Variants in NALCN observed in about 807,000 individuals in gnomAD.
NALCN encodes sodium leak channel, non-selective.
NALCN carries 111 observed loss-of-function variants against 225.3 expected under a neutral mutation model. The ratio of observed to expected loss-of-function variants is 0.49; its 90% confidence interval spans 0.42 to 0.58. The LOEUF (loss-of-function observed/expected upper bound fraction) is 0.58, where lower values mean the gene tolerates loss of function less well. Ranked by LOEUF, NALCN falls within the 20% of genes least tolerant of loss-of-function variation. The pLI is 0.00. For synonymous variants in NALCN, 764 were observed against 769.0 expected (o/e 0.99, Z 0.11); for missense variants, 1,378 against 2,202.4 (o/e 0.63, Z 7.49).
intron 17 of NALCN, among the ~76,000 whole-genome samples, chr13:101,140,355 A>C (rs1337156859): frequency 6.6e-6 from 1 of 152,172 alleles, no homozygotes; most frequent in Admixed American, 6.5e-5. Flanking sequence ...AAATCAAAAT[A>C]CTGTGTTCAG....
chr13:101,133,158 C>T (rs778409105), intron 17 of NALCN, among the ~76,000 whole-genome samples: 27 of 152,126 alleles, frequency 1.8e-4, no homozygotes, highest in African/African-American at 5.6e-4. Flanking sequence ...CTTTAGGATG[C>T]GGCAATGCTT....
At chr13:101,056,283 C>T (rs2031249167) in intron 43 of NALCN, among the ~76,000 whole-genome samples, 1 of 99,852 alleles carries the variant, frequency 1.0e-5, no homozygotes, top group African/African-American at 4.0e-5. Context: ...TTTTGGGAGA[C>T]AGGTTCTCAC....
chr13:101,125,857 T>C (rs1337112266), intron 17 of NALCN, among the ~76,000 whole-genome samples: 1 of 152,194 alleles, frequency 6.6e-6, no homozygotes, highest in Non-Finnish European at 1.5e-5. Flanking sequence ...TGGTACAAAC[T>C]ACCTGTATAA....
intron 15 of NALCN, among the ~76,000 whole-genome samples, chr13:101,153,359 GGTGACAC>G (rs576872598): frequency 7.8e-4 from 118 of 152,238 alleles, no homozygotes; most frequent in African/African-American, 2.2e-3. Context: ...ATATGAATGG[GGTGACAC>G]ATATGTGTGC....
chr13:101,291,613 T>C (rs1002344881), intron 9 of NALCN, among the ~76,000 whole-genome samples: 3 of 152,168 alleles, frequency 2.0e-5, no homozygotes, highest in Admixed American at 6.5e-5. Context: ...AGTGTTGTGA[T>C]TGCAGCTCAC....
At chr13:101,159,993 C>T (rs1378998495) in intron 15 of NALCN, among the ~76,000 whole-genome samples, 2 of 152,140 alleles carry the variant, frequency 1.3e-5, no homozygotes, top group East Asian at 1.9e-4. Context: ...CTCATTCTGT[C>T]GCCCAGGCTG....
At chr13:101,313,590 C>T in intron 7 of NALCN, among the ~76,000 whole-genome samples, 1 of 152,084 alleles carries the variant, frequency 6.6e-6, no homozygotes, top group Non-Finnish European at 1.5e-5. Context: ...CATCACTGGC[C>T]ATCAGAGAAC....
intron 39 of NALCN, 46 bp downstream of exon 39, chr13:101,067,872 T>C (rs1471392019): frequency 1.6e-6 from 2 of 1,285,430 alleles, no homozygotes; most frequent in Admixed American, 3.6e-5. Context: ...GACATGTTGA[T>C]AAGTCTCTTT....
chr13:101,252,833 G>A (rs186653561), intron 11 of NALCN, among the ~76,000 whole-genome samples: 25 of 152,186 alleles, frequency 1.6e-4, no homozygotes, highest in Admixed American at 9.8e-4. Context: ...CTGTAGGTCC[G>A]TTGCCTTCCT....
At chr13:101,365,465 C>T (rs2046355491) in intron 6 of NALCN, among the ~76,000 whole-genome samples, 1 of 151,944 alleles carries the variant, frequency 6.6e-6, no homozygotes, top group Admixed American at 6.6e-5. Context: ...CACTTATTTG[C>T]CAAGTACCCT....
At chr13:101,316,174 CCTT>C (rs34080289) in intron 7 of NALCN, among the ~76,000 whole-genome samples, 5,004 of 152,176 alleles carry the variant, frequency 0.033, 290 homozygotes, top group East Asian at 0.25. Flanking sequence ...CAATAAATGT[CCTT>C]CTCATCAAAA....
chr13:101,196,773 A>G lies in NALCN; in HGVS notation c.1627-4719T>C, dbSNP rs537565339. Among the ~76,000 whole-genome samples the G allele has an allele frequency of 2.0e-5, 3 of 152,068 alleles. No homozygotes were observed. In the East Asian group the frequency reaches 5.8e-4, roughly 29 times the overall value. On this transcript the variant is annotated intron_variant, in intron 13 of 43. Coordinates refer to ENST00000251127, the MANE Select transcript of NALCN (RefSeq NM_052867.4). ...TCAGTCCTAAGTGTTCACTTCCCCA[A>G]ATTCACTGGCCTCTCTCCAGCCATC...
At chr13:101,348,427 T>C (rs567473337) in intron 6 of NALCN, among the ~76,000 whole-genome samples, 15 of 152,284 alleles carry the variant, frequency 9.9e-5, no homozygotes, top group African/African-American at 3.6e-4. Context: ...TTGAAAGTTG[T>C]AGATTTCCTA....
At chr13:101,361,615 T>C (rs1435764088) in intron 6 of NALCN, among the ~76,000 whole-genome samples, 4 of 152,202 alleles carry the variant, frequency 2.6e-5, no homozygotes, top group African/African-American at 9.6e-5. Flanking sequence ...TACAAGCTGT[T>C]TCATCTCAGC....
In NALCN at chr13:101,251,778, T is replaced by C. The variant is rs917706734; in HGVS notation, c.1266+6665A>G. 3.9e-5 allele frequency among the ~76,000 whole-genome samples: 6 copies of C among 152,198 alleles called. No homozygotes were observed. In the South Asian group the frequency reaches 1.2e-3, roughly 31 times the overall value. ...AAATCTTATTTGTGTAAAATTAATT[T>C]AGTCTCAGCACGTTTTGCTTCATCA... On this transcript the variant is annotated intron_variant, in intron 11 of 43. Coordinates refer to ENST00000251127, the MANE Select transcript of NALCN (RefSeq NM_052867.4).
Position 101,104,776 on chromosome 13 carries a change from T to C in NALCN, c.2636+118A>G. The C allele has an allele frequency of 1.9e-6, 3 of 1,545,862 alleles. No homozygotes were observed. The highest frequency in any genetic ancestry group is 2.7e-6 in the Non-Finnish European group (3 of 1,127,858). ...TTTTAAAAACATCATTCCCCAATCA[T>C]CTATTTCATAGCACTATATAGCAAG... On this transcript the variant is annotated intron_variant, in intron 23 of 43. Transcript: ENST00000251127. This position sits in a 1 kb window ranked among gnomAD's most constrained non-coding sequence, Gnocchi z 4.2.
chr13:101,317,521 C>G (rs502117), intron 7 of NALCN, among the ~76,000 whole-genome samples: 50,449 of 152,084 alleles, frequency 0.33, 8,810 homozygotes, highest in Non-Finnish European at 0.4. Context: ...TAGGGGATCC[C>G]TGATTAATTT....
chr13:101,380,795 C>T (rs2046826090), intron 3 of NALCN, among the ~76,000 whole-genome samples: 1 of 151,302 alleles, frequency 6.6e-6, no homozygotes, highest in African/African-American at 2.4e-5. Context: ...GAAGTATAAA[C>T]TCAACTTAAT....
chr13:101,059,699 C>T (rs2031682142), intron 42 of NALCN, 119 bp downstream of exon 42: 2 of 799,200 alleles, frequency 2.5e-6, no homozygotes, highest in Non-Finnish European at 3.6e-6. Context: ...TGAAAATATT[C>T]CTATTAGAAA....
Sources: gnomAD v4.1 joint callset for allele counts (sites outside exome capture counted in the v4.1 genomes callset) on GRCh38, gnomAD v4.1.1 for gene constraint, Gnocchi (gnomAD v3.1) non-coding constraint, MANE v1.5 for transcripts, NCBI Gene and HGNC (gene_info 2026-07-23, HGNC 2026-07-21) for gene names.